ST3GAL3: variants seen among roughly 807,000 people sequenced by gnomAD.
The protein encoded by ST3GAL3 is CMP-N-acetylneuraminate-beta-1,4-galactoside alpha-2,3-sialyltransferase.
A neutral mutation model predicts 50.1 loss-of-function variants in ST3GAL3; 21 were observed. That is an observed-to-expected ratio of 0.42 (90% confidence interval 0.30 to 0.60). The LOEUF (loss-of-function observed/expected upper bound fraction) is 0.60. Ranked by LOEUF, ST3GAL3 falls within the 20% of genes least tolerant of loss-of-function variation. The probability of loss-of-function intolerance (pLI) is 0.19; values close to 1 mark genes in which losing one functional copy is unlikely to be tolerated. For missense variants in ST3GAL3, 353 were observed against 489.4 expected (o/e 0.72, Z 2.63); for synonymous variants, 183 against 190.0 (o/e 0.96, Z 0.30).
intron 5 of ST3GAL3, among the ~76,000 whole-genome samples, chr1:43,852,449 G>T (rs2067509006): frequency 6.6e-6 from 1 of 152,174 alleles, no homozygotes; most frequent in Admixed American, 6.5e-5. Flanking sequence ...CTTTGTTATT[G>T]TGTATATAAC....
chr1:43,821,911 A>G (rs2062151477), intron 4 of ST3GAL3, among the ~76,000 whole-genome samples: 1 of 152,234 alleles, frequency 6.6e-6, no homozygotes, highest in South Asian at 2.1e-4. Context: ...GTATCAGGCA[A>G]TATTCTGTGG....
At chr1:43,868,960 A>G (rs554882233) in intron 5 of ST3GAL3, among the ~76,000 whole-genome samples, 3 of 152,274 alleles carry the variant, frequency 2.0e-5, no homozygotes, top group Admixed American at 2.0e-4. Flanking sequence ...CCTAGATGCT[A>G]GCACTGAGCA....
chr1:43,898,191 A>G, intron 6 of ST3GAL3, 44 bp from the exon 7 acceptor site: 1 of 1,601,750 alleles, frequency 6.2e-7, no homozygotes. Flanking sequence ...TTTTATAGAA[A>G]GGTAAGTGAC....
Position 43,857,582 on chromosome 1 carries a change from C to CCTTCCTTCCTTCCTT in ST3GAL3, c.302+19272_302+19273insTTCCTTCCTTCCTTC, listed in dbSNP as rs1558605475. 6.7e-4 allele frequency among the ~76,000 whole-genome samples: 63 copies of CCTTCCTTCCTTCCTT among 93,824 alleles called. 2 individuals carry two copies. The highest frequency in any genetic ancestry group is 2.5e-3 in the East Asian group (7 of 2,846). The allele number at this position is 93,824 out of a possible 152,430, so 61.6% of individuals were successfully genotyped here. ...TTCCTTCCTTCTTTCTTTCCTTCCT[C>CCTTCCTTCCTTCCTT]CCTCCCTTCCTTCCTTCCTTCCTTC... is the stretch of plus-strand genomic sequence containing the variant. On this transcript the variant is annotated intron_variant, in intron 5 of 11. Coordinates refer to ENST00000347631, the MANE Select transcript of ST3GAL3 (RefSeq NM_006279.5).
chr1:43,719,814 T>A (rs1429239129), intron 1 of ST3GAL3, among the ~76,000 whole-genome samples: 4 of 151,516 alleles, frequency 2.6e-5, no homozygotes, highest in Admixed American at 2.6e-4. Context: ...ATGCCTGTAA[T>A]CCCAGCTACT....
intron 2 of ST3GAL3, among the ~76,000 whole-genome samples, chr1:43,753,272 G>A (rs1441346917): frequency 6.6e-6 from 1 of 152,200 alleles, no homozygotes; most frequent in Non-Finnish European, 1.5e-5. Context: ...TGTGCAGACT[G>A]CTTAATGAAA....
intron 2 of ST3GAL3, among the ~76,000 whole-genome samples, chr1:43,767,726 T>C (rs1693618721): frequency 6.6e-6 from 1 of 151,390 alleles, no homozygotes; most frequent in South Asian, 2.1e-4. Context: ...CTAATGTAGA[T>C]GATGGGTTGA....
chr1:43,885,142 C>G (rs980825771), intron 5 of ST3GAL3, among the ~76,000 whole-genome samples: 2 of 152,194 alleles, frequency 1.3e-5, no homozygotes, highest in Non-Finnish European at 2.9e-5. Context: ...GTTGCCCTTC[C>G]TGGCTGGTTA....
chr1:43,906,680 TG>T (rs2079830803), intron 9 of ST3GAL3, among the ~76,000 whole-genome samples: 1 of 152,190 alleles, frequency 6.6e-6, no homozygotes, highest in Non-Finnish European at 1.5e-5. Context: ...TTCCTCCTCC[TG>T]TTCCTCTCCT....
intron 5 of ST3GAL3, among the ~76,000 whole-genome samples, chr1:43,876,084 C>T (rs1246355635): frequency 6.6e-6 from 1 of 151,892 alleles, no homozygotes; most frequent in African/African-American, 2.4e-5. Context: ...GCTCCCCACT[C>T]AGCTTCCCAA....
rs1204757774 is a variant in ST3GAL3, at chr1:43,858,588, G to A, written c.302+20277G>A. On this transcript the variant is annotated intron_variant, in intron 5 of 11. Coordinates refer to ENST00000347631, the MANE Select transcript of ST3GAL3 (RefSeq NM_006279.5). ...GGTGAAAGCACAGAACATGATCCTG[G>A]CCCTCCTCCTGAGCTGTGTGAGGCT... 2.6e-5 allele frequency among the ~76,000 whole-genome samples: 4 copies of A among 152,158 alleles called. No individual in the cohort carries two copies. The East Asian group carries it at 7.7e-4, about 29-fold the overall frequency.
chr1:43,759,314 T>C (rs112518613), intron 2 of ST3GAL3, among the ~76,000 whole-genome samples: 55,180 of 151,828 alleles, frequency 0.36, 11,144 homozygotes, highest in African/African-American at 0.55. Flanking sequence ...CGTGGTGGCA[T>C]GTGCCTGTAA....
chr1:43,904,003 T>C (rs1301134571), intron 9 of ST3GAL3, among the ~76,000 whole-genome samples: 1 of 152,150 alleles, frequency 6.6e-6, no homozygotes, highest in African/African-American at 2.4e-5. Flanking sequence ...AGTAATGTTA[T>C]GTTATTTTAT....
At chr1:43,911,691 ATT>A (rs201013233) in intron 9 of ST3GAL3, among the ~76,000 whole-genome samples, 21 of 138,046 alleles carry the variant, frequency 1.5e-4, no homozygotes, top group African/African-American at 1.6e-4. Flanking sequence ...ATAGATATGG[ATT>A]TTTTTTTTTT....
At chr1:43,883,675 G>A (rs1289889921) in intron 5 of ST3GAL3, among the ~76,000 whole-genome samples, 2 of 152,224 alleles carry the variant, frequency 1.3e-5, no homozygotes, top group Admixed American at 6.5e-5. Context: ...GGTGGAACTA[G>A]AGGGCAGAGT....
chr1:43,889,727 G>A (rs2076445362), intron 5 of ST3GAL3, among the ~76,000 whole-genome samples: 1 of 152,140 alleles, frequency 6.6e-6, no homozygotes, highest in Non-Finnish European at 1.5e-5. Flanking sequence ...CTGGAAACAA[G>A]GATATCAGCT....
At chr1:43,919,446 C>T (rs2082664334) in intron 9 of ST3GAL3, 1 of 152,312 alleles carries the variant, frequency 6.6e-6, no homozygotes, top group South Asian at 2.1e-4. Flanking sequence ...TGCCGCCAGT[C>T]TGCAGGGTTG....
chr1:43,836,995 C>T (rs937298175), intron 4 of ST3GAL3, among the ~76,000 whole-genome samples: 1 of 152,108 alleles, frequency 6.6e-6, no homozygotes, highest in African/African-American at 2.4e-5. Flanking sequence ...CCTTGTCTGC[C>T]GTGAGACTGT....
At chr1:43,896,007 A>G (rs1294640188) in intron 6 of ST3GAL3, among the ~76,000 whole-genome samples, 2 of 152,222 alleles carry the variant, frequency 1.3e-5, no homozygotes, top group African/African-American at 2.4e-5. Context: ...TTAAAGGTGA[A>G]ATTGGAAGTG....
Sources: gnomAD v4.1 joint callset for allele counts (sites outside exome capture counted in the v4.1 genomes callset) on GRCh38, gnomAD v4.1.1 for gene constraint, MANE v1.5 for transcripts, NCBI Gene and HGNC (gene_info 2026-07-23, HGNC 2026-07-21) for gene names.